LHPP: variants seen among roughly 807,000 people sequenced by gnomAD.
The protein encoded by LHPP is hLHPP.
A neutral mutation model predicts 30.3 loss-of-function variants in LHPP; 24 were observed. The ratio of observed to expected loss-of-function variants is 0.79; its 90% CI spans 0.57 to 1.11. The LOEUF (loss-of-function observed/expected upper bound fraction) is 1.11. LHPP is among the 50% of genes most tolerant of loss of function. LHPP has a pLI of 0.00. For synonymous variants in LHPP, 150 were observed against 157.1 expected (o/e 0.95, Z 0.34); for missense variants, 356 against 367.2 (o/e 0.97, Z 0.25).
At chr10:124,556,947 A>T (rs1397933931) in intron 6 of LHPP, among the ~76,000 whole-genome samples, 1 of 152,178 alleles carries the variant, frequency 6.6e-6, no homozygotes, top group African/African-American at 2.4e-5. Flanking sequence ...TCTGGAGAAG[A>T]TGCTTCTTTT....
rs575896126 is a variant in LHPP, at chr10:124,472,186, G to A, written c.125+10199G>A. On this transcript the variant is annotated intron_variant, in intron 1 of 6. Coordinates refer to ENST00000368842, the MANE Select transcript of LHPP (RefSeq NM_022126.4). Reference sequence around the variant, plus strand: ...AAATCAGCTGGGTGTGGTGTTGTGCGCCTGTAATCCTAGCTACTTGGGAGG... The same window carrying A: ...AAATCAGCTGGGTGTGGTGTTGTGCACCTGTAATCCTAGCTACTTGGGAGG... Among the ~76,000 whole-genome samples the A allele has an allele frequency of 7.9e-5, 12 of 151,168 alleles. No individual in the cohort carries two copies. The South Asian group carries it at 1.1e-3, about 13-fold the overall frequency.
chr10:124,568,945 G>T (rs1948539899), intron 6 of LHPP, among the ~76,000 whole-genome samples: 1 of 70,428 alleles, frequency 1.4e-5, no homozygotes, highest in Non-Finnish European at 4.2e-5. Flanking sequence ...GGCATGTTCT[G>T]TCCCCCCCAC....
In LHPP at chr10:124,517,467, A is replaced by T; in HGVS notation, c.716+196A>T. The T allele has an allele frequency of 2.6e-6, 1 of 391,182 alleles. No homozygotes were observed. Among genetic ancestry groups the T allele is most frequent in the Non-Finnish European group, 4.6e-6 (1 of 218,124 alleles). The allele number at this position is 391,182 out of a possible 1,614,324, so 24.2% of individuals were successfully genotyped here. On this transcript the variant is annotated intron_variant, in intron 6 of 6. Transcript: ENST00000368842. The surrounding 1 kb of genome is among the most constrained non-coding windows in gnomAD (Gnocchi z 4.1). ...TTTATAGCAGACAGTGATAAAGTAGAGTGGCTTTTGATACAGGGTCTGGGT... is the reference window on the plus strand; with the variant it reads ...TTTATAGCAGACAGTGATAAAGTAGTGTGGCTTTTGATACAGGGTCTGGGT...
intron 5 of LHPP, among the ~76,000 whole-genome samples, chr10:124,506,696 GGC>G (rs1954085995): frequency 2.6e-5 from 2 of 77,478 alleles, no homozygotes; most frequent in Non-Finnish European, 5.5e-5. Context: ...ATTTCAGGTT[GGC>G]GGGTAGGGAA....
intron 6 of LHPP, among the ~76,000 whole-genome samples, chr10:124,528,366 TA>T (rs1400082629): frequency 3.3e-5 from 5 of 151,900 alleles, no homozygotes; most frequent in Admixed American, 2.0e-4. Flanking sequence ...TTTATTATTT[TA>T]TTTTTTTTTG....
chr10:124,466,325 A>C (rs776518649), intron 1 of LHPP, among the ~76,000 whole-genome samples: 10 of 152,370 alleles, frequency 6.6e-5, no homozygotes, highest in Non-Finnish European at 1.2e-4. Flanking sequence ...CTGTGTTTGC[A>C]TAAAGACACT....
At chr10:124,462,675 TTGAAA>T (rs1952438668) in intron 1 of LHPP, among the ~76,000 whole-genome samples, 2 of 152,348 alleles carry the variant, frequency 1.3e-5, no homozygotes, top group South Asian at 4.1e-4. Flanking sequence ...TGTTTGCCTG[TTGAAA>T]TGATATACTT....
At chr10:124,462,758 C>T (rs1313430913) in intron 1 of LHPP, among the ~76,000 whole-genome samples, 3 of 152,182 alleles carry the variant, frequency 2.0e-5, no homozygotes, top group African/African-American at 7.2e-5. Context: ...AGTGCAATGG[C>T]ACGATCTCGG....
chr10:124,494,237 G>A (rs1452457684), intron 3 of LHPP, among the ~76,000 whole-genome samples: 2 of 152,140 alleles, frequency 1.3e-5, no homozygotes, highest in Non-Finnish European at 2.9e-5. Flanking sequence ...CGCCGCGTGG[G>A]TCCCCTTAGG....
intron 6 of LHPP, among the ~76,000 whole-genome samples, chr10:124,546,456 G>T (rs779723070): frequency 3.0e-4 from 45 of 152,344 alleles, no homozygotes; most frequent in Middle Eastern, 3.4e-3. Context: ...AGGCTGGAGT[G>T]CAGTGGCGCG....
At chr10:124,484,549 A>G (rs1486426204) in intron 2 of LHPP, among the ~76,000 whole-genome samples, 1 of 151,480 alleles carries the variant, frequency 6.6e-6, no homozygotes. Flanking sequence ...GAGGGTCCTT[A>G]GAGCAGGTTC....
chr10:124,508,353 G>A (rs1954214452), intron 5 of LHPP, among the ~76,000 whole-genome samples: 1 of 152,196 alleles, frequency 6.6e-6, no homozygotes. Flanking sequence ...CCCACTTCCA[G>A]CACTGAAAGA....
chr10:124,509,652 C>A (rs1954251046), intron 5 of LHPP, among the ~76,000 whole-genome samples: 1 of 151,690 alleles, frequency 6.6e-6, no homozygotes, highest in African/African-American at 2.4e-5. Context: ...CTCAGCATTG[C>A]ACTGTCTCCA....
chr10:124,498,445 G>GCAAGA, intron 5 of LHPP: 18 of 1,505,200 alleles, frequency 1.2e-5, no homozygotes, highest in Non-Finnish European at 1.6e-5. Context: ...TATCTCACTG[G>GCAAGA]CAAGACAGTG....
At chr10:124,557,760 G>T (rs963243185) in intron 6 of LHPP, among the ~76,000 whole-genome samples, 4 of 152,076 alleles carry the variant, frequency 2.6e-5, no homozygotes. Flanking sequence ...GGCCAAGCAG[G>T]GTACAGAGCA....
intron 5 of LHPP, among the ~76,000 whole-genome samples, chr10:124,516,904 C>T (rs371253498): frequency 2.6e-5 from 4 of 152,134 alleles, no homozygotes; most frequent in South Asian, 2.1e-4. Context: ...CATCCCCGCA[C>T]GTCCTTGGGG....
At chr10:124,484,970 A>T (rs1004570605) in intron 2 of LHPP, among the ~76,000 whole-genome samples, 1 of 152,182 alleles carries the variant, frequency 6.6e-6, no homozygotes, top group East Asian at 1.9e-4. Context: ...AAGAGACATT[A>T]GCAATTCCAG....
intron 1 of LHPP, among the ~76,000 whole-genome samples, chr10:124,475,848 G>A (rs1034387755): frequency 2.0e-5 from 3 of 152,288 alleles, no homozygotes; most frequent in Admixed American, 6.5e-5. Context: ...CACATGCCAC[G>A]AGGCATTTCC....
chr10:124,575,855 G>T (rs1948651650), intron 6 of LHPP, among the ~76,000 whole-genome samples: 1 of 152,184 alleles, frequency 6.6e-6, no homozygotes, highest in Non-Finnish European at 1.5e-5. Flanking sequence ...AGGAAAGGCT[G>T]GCGTGTTGGG....
Sources: gnomAD v4.1 joint callset for allele counts (sites outside exome capture counted in the v4.1 genomes callset) on GRCh38, gnomAD v4.1.1 for gene constraint, Gnocchi (gnomAD v3.1) non-coding constraint, MANE v1.5 for transcripts, NCBI Gene and HGNC (gene_info 2026-07-23, HGNC 2026-07-21) for gene names.